POU6F2: variants seen among roughly 807,000 people sequenced by gnomAD.
POU6F2 encodes POU domain, class 6, transcription factor 2.
Under a neutral mutation model 71.3 loss-of-function variants are expected in POU6F2, and 31 were observed. That is an observed-to-expected ratio of 0.43 (90% CI 0.33 to 0.59). The LOEUF is 0.59. Ranked by LOEUF, POU6F2 falls within the 20% of genes least tolerant of loss-of-function variation. The pLI is 0.04. For synonymous variants in POU6F2, 347 were observed against 355.7 expected (o/e 0.98, Z 0.27); for missense variants, 783 against 856.8 (o/e 0.91, Z 1.07).
At chr7:39,355,668 C>G (rs1786241138) in intron 5 of POU6F2, among the ~76,000 whole-genome samples, 1 of 152,126 alleles carries the variant, frequency 6.6e-6, no homozygotes, top group South Asian at 2.1e-4. Context: ...TGCCCACCAC[C>G]CAGCCCCCCA....
intron 2 of POU6F2, among the ~76,000 whole-genome samples, chr7:39,120,259 C>T (rs1339765102): frequency 1.3e-5 from 2 of 152,164 alleles, no homozygotes; most frequent in Admixed American, 1.3e-4. Context: ...TTGCTTTGGC[C>T]TCTGAAAGTG....
rs1554304516 is a variant in POU6F2, at chr7:38,993,646, A to ACG, written c.105+15589_105+15590insGC. ...CACACACACACACACACACACACAC[A>ACG]CATCAGTGGTTCATATTTGTTTTTT... On this transcript the variant is annotated intron_variant, in intron 1 of 9. Coordinates refer to ENST00000518318, the MANE Select transcript of POU6F2 (RefSeq NM_001370959.1). Among the ~76,000 whole-genome samples the ACG allele has an allele frequency of 7.5e-3, 1,126 of 150,610 alleles. 12 individuals carry two copies. The highest frequency in any genetic ancestry group is 0.011 in the African/African-American group (445 of 40,898).
rs528930091 is a variant in POU6F2 at position 39,200,846 on chromosome 7, CCAA to C, written c.278-3385_278-3383del. On this transcript the variant is annotated intron_variant, in intron 2 of 9. Transcript: ENST00000518318. ...GCAATGGAGTGAGATGATTTCTGTA[CCAA>C]CAAGAAAAAAAGAAAAAAAAAGAAA... 2.0e-3 allele frequency among the ~76,000 whole-genome samples: 256 copies of C among 126,752 alleles called. 1 individual carries two copies. Among genetic ancestry groups the C allele is most frequent in the African/African-American group, 7.6e-3 (247 of 32,478 alleles). 83.2% of individuals were successfully genotyped at this position (126,752 alleles called of 152,430 possible).
chr7:39,117,911 A>G (rs1010188962), intron 2 of POU6F2, among the ~76,000 whole-genome samples: 3 of 152,082 alleles, frequency 2.0e-5, no homozygotes, highest in Non-Finnish European at 4.4e-5. Flanking sequence ...AGGAAACCCA[A>G]AGGGCCAAAA....
At chr7:39,378,922 T>C (rs1298100762) in intron 5 of POU6F2, among the ~76,000 whole-genome samples, 1 of 152,186 alleles carries the variant, frequency 6.6e-6, no homozygotes, top group African/African-American at 2.4e-5. Flanking sequence ...TATGTAGTTG[T>C]TTGAGATTTT....
chr7:39,103,530 C>G (rs543956448), intron 2 of POU6F2, among the ~76,000 whole-genome samples: 1 of 152,340 alleles, frequency 6.6e-6, no homozygotes, highest in Admixed American at 6.5e-5. Flanking sequence ...GAGGCTGTGT[C>G]TAGCTGGTGT....
chr7:39,303,987 A>T (rs1485359194), intron 4 of POU6F2, among the ~76,000 whole-genome samples: 2 of 152,232 alleles, frequency 1.3e-5, no homozygotes, highest in African/African-American at 4.8e-5. Flanking sequence ...ACTGAACCAC[A>T]GTTCTGATAA....
intron 2 of POU6F2, among the ~76,000 whole-genome samples, chr7:39,152,330 T>C (rs1792777164): frequency 6.6e-6 from 1 of 152,138 alleles, no homozygotes; most frequent in Non-Finnish European, 1.5e-5. Flanking sequence ...GTGGCAGTTA[T>C]TTATTTTACT....
At chr7:39,184,086 AC>A (rs1165925627) in intron 2 of POU6F2, among the ~76,000 whole-genome samples, 2 of 152,196 alleles carry the variant, frequency 1.3e-5, no homozygotes, top group African/African-American at 4.8e-5. Flanking sequence ...TTTGATAGAT[AC>A]TAAAGAGGGG....
chr7:39,266,188 G>A (rs186867427), intron 4 of POU6F2, among the ~76,000 whole-genome samples: 205 of 152,268 alleles, frequency 1.3e-3, no homozygotes, highest in African/African-American at 4.6e-3. Flanking sequence ...TTGGCAAAGA[G>A]CCACAGGAGA....
At chr7:39,012,674 T>C (rs912419547) in intron 1 of POU6F2, among the ~76,000 whole-genome samples, 4 of 152,138 alleles carry the variant, frequency 2.6e-5, no homozygotes, top group African/African-American at 7.2e-5. Context: ...TTTTGGTCTT[T>C]GATGATGATG....
chr7:39,299,736 G>T (rs1784919227), intron 4 of POU6F2, among the ~76,000 whole-genome samples: 1 of 152,184 alleles, frequency 6.6e-6, no homozygotes, highest in African/African-American at 2.4e-5. Context: ...TGCTGTTTCT[G>T]CACGTGGGTC....
At chr7:39,358,370 A>T (rs1786302880) in intron 5 of POU6F2, among the ~76,000 whole-genome samples, 1 of 152,194 alleles carries the variant, frequency 6.6e-6, no homozygotes, top group Non-Finnish European at 1.5e-5. Flanking sequence ...CAGCTGGCTG[A>T]TGGGTCCATG....
chr7:39,167,161 A>G (rs980723824), intron 2 of POU6F2, among the ~76,000 whole-genome samples: 1 of 152,088 alleles, frequency 6.6e-6, no homozygotes, highest in East Asian at 1.9e-4. Flanking sequence ...TAATATCTAT[A>G]AGGTATATTA....
intron 5 of POU6F2, among the ~76,000 whole-genome samples, chr7:39,345,137 G>GA (rs943831173): frequency 1.3e-5 from 2 of 152,248 alleles, no homozygotes; most frequent in African/African-American, 4.8e-5. Context: ...TGAGGCAAAA[G>GA]AAAAAAATCA....
intron 2 of POU6F2, among the ~76,000 whole-genome samples, chr7:39,090,710 A>G (rs1029950622): frequency 3.1e-4 from 47 of 152,330 alleles, no homozygotes; most frequent in African/African-American, 1.0e-3. Context: ...AAAAGTTTCT[A>G]TATCAATTGA....
At chr7:39,203,843 A>G (rs138946317) in intron 2 of POU6F2, among the ~76,000 whole-genome samples, 2 of 152,280 alleles carry the variant, frequency 1.3e-5, no homozygotes, top group African/African-American at 4.8e-5. Flanking sequence ...GGAAAGCCAT[A>G]TTAGGGAATA....
intron 4 of POU6F2, among the ~76,000 whole-genome samples, chr7:39,316,857 A>G (rs1278690384): frequency 6.6e-6 from 1 of 152,172 alleles, no homozygotes; most frequent in Non-Finnish European, 1.5e-5. Context: ...TAACCACCTA[A>G]TAATAAAAGA....
At chr7:39,391,369 T>G (rs1350921110) in intron 5 of POU6F2, among the ~76,000 whole-genome samples, 3 of 151,918 alleles carry the variant, frequency 2.0e-5, no homozygotes, top group Admixed American at 2.0e-4. Flanking sequence ...CTTTTCCTCC[T>G]TTTTTTTACA....
Sources: gnomAD v4.1 joint callset for allele counts (sites outside exome capture counted in the v4.1 genomes callset) on GRCh38, gnomAD v4.1.1 for gene constraint, MANE v1.5 for transcripts, NCBI Gene and HGNC (gene_info 2026-07-23, HGNC 2026-07-21) for gene names.